The following SELENOF variants were observed in gnomAD, a reference collection of about 807,000 sequenced individuals.
SELENOF encodes 15 kDa selenoprotein.
A neutral mutation model predicts 20.5 loss-of-function variants in SELENOF; 16 were observed. The observed-to-expected ratio is 0.78, with a 90% CI of 0.53 to 1.19. The LOEUF is 1.19. Among genes scored for constraint, SELENOF ranks in the 50% most tolerant of loss-of-function variants. SELENOF has a pLI of 0.00. For missense variants in SELENOF, 215 were observed against 194.2 expected (o/e 1.11, Z -0.64); for synonymous variants, 78 against 74.5 (o/e 1.05, Z -0.24).
At chr1:86,866,230 CTGTGTGTGTGTG>C (rs60714256) in intron 4 of SELENOF, among the ~76,000 whole-genome samples, 59 of 113,680 alleles carry the variant, frequency 5.2e-4, no homozygotes, top group African/African-American at 1.8e-3. Flanking sequence ...GTGTGTGTCT[CTGTGTGTGTGTG>C]TGTGTGTGTG....
At chr1:86,878,716 A>G (rs145356405) in intron 3 of SELENOF, among the ~76,000 whole-genome samples, 47 of 152,300 alleles carry the variant, frequency 3.1e-4, no homozygotes, top group African/African-American at 1.1e-3. Context: ...AGCAGTGAAG[A>G]CATGAAAGTT....
intron 2 of SELENOF, among the ~76,000 whole-genome samples, chr1:86,898,729 G>A (rs1659591510): frequency 6.6e-6 from 1 of 151,138 alleles, no homozygotes; most frequent in African/African-American, 2.4e-5. Flanking sequence ...CTACAGGTGT[G>A]TGCCACCACA....
At chr1:86,891,008 C>A (rs1371445785) in intron 2 of SELENOF, among the ~76,000 whole-genome samples, 2 of 150,786 alleles carry the variant, frequency 1.3e-5, no homozygotes, top group Admixed American at 1.3e-4. Context: ...AACAGAATAT[C>A]ATATCAACAG....
chr1:86,881,560 T>C (rs1423405821), intron 2 of SELENOF, among the ~76,000 whole-genome samples: 1 of 152,262 alleles, frequency 6.6e-6, no homozygotes, highest in Non-Finnish European at 1.5e-5. Context: ...TTTTTAGATT[T>C]GTTTTTTATG....
intron 2 of SELENOF, chr1:86,887,260 T>C (rs1659244453): frequency 8.0e-6 from 12 of 1,493,804 alleles, no homozygotes; most frequent in Non-Finnish European, 1.1e-5. Flanking sequence ...CAAATATAAT[T>C]CTCCAATACT....
At chr1:86,871,488 T>C (rs545158512) in intron 3 of SELENOF, among the ~76,000 whole-genome samples, 1 of 152,202 alleles carries the variant, frequency 6.6e-6, no homozygotes, top group Non-Finnish European at 1.5e-5. Flanking sequence ...TATTTCTTAA[T>C]AGTCAAAATA....
intron 1 of SELENOF, among the ~76,000 whole-genome samples, chr1:86,905,239 T>C (rs1659800170): frequency 6.6e-6 from 1 of 152,204 alleles, no homozygotes; most frequent in Non-Finnish European, 1.5e-5. Context: ...AGTCTTTTCC[T>C]GCCTCAGTGG....
intron 1 of SELENOF, chr1:86,913,682 C>T (rs753763606): frequency 1.6e-5 from 4 of 244,744 alleles, no homozygotes; most frequent in Non-Finnish European, 2.5e-5. Context: ...CGTCATGAGT[C>T]TCTTGCATTT....
intron 2 of SELENOF, among the ~76,000 whole-genome samples, chr1:86,898,580 C>CTT (rs747362493): frequency 3.3e-4 from 41 of 124,958 alleles, no homozygotes; most frequent in Middle Eastern, 4.1e-3. Context: ...TTCTCTTCTT[C>CTT]TTTTTTTTTT....
In SELENOF at chr1:86,881,976, G is replaced by GT. The variant is rs141831345; in HGVS notation, c.253-1252dup. 3.0e-3 allele frequency among the ~76,000 whole-genome samples: 464 copies of GT among 152,256 alleles called. 19 individuals carry two copies. In the East Asian group the frequency reaches 0.065, roughly 21 times the overall value. On this transcript the variant is annotated intron_variant, in intron 2 of 4. Coordinates refer to ENST00000331835, the MANE Select transcript of SELENOF (RefSeq NM_004261.5). ...TGGCCAGGCATGGTGGCTCATGCCT[G>GT]TAATTGCCGCTCTTAGGGAGGCTGA...
rs771017203 is a variant in SELENOF, at chr1:86,905,338, G to A, written c.85-1890C>T. On this transcript the variant is annotated intron_variant, in intron 1 of 4. Coordinates refer to ENST00000331835, the MANE Select transcript of SELENOF (RefSeq NM_004261.5). Reference sequence around the variant, plus strand: ...TCCTATAGTATCTTGAAGTATAAAAGCCCTACTCAAACACACTTTTGCTCA... The same window carrying A: ...TCCTATAGTATCTTGAAGTATAAAAACCCTACTCAAACACACTTTTGCTCA... Among the ~76,000 whole-genome samples, 3 of 152,194 alleles carry A rather than the reference G, an allele frequency of 2.0e-5. No homozygotes were observed. In the East Asian group the frequency reaches 5.8e-4, roughly 29 times the overall value.
At chr1:86,908,267 C>G (rs1553128687) in intron 1 of SELENOF, among the ~76,000 whole-genome samples, 3 of 152,144 alleles carry the variant, frequency 2.0e-5, no homozygotes, top group Non-Finnish European at 4.4e-5. Context: ...AAATCTGAGA[C>G]AAAAGCAAAT....
chr1:86,899,534 G>A lies in SELENOF; in HGVS notation c.252+3747C>T, dbSNP rs1420823500. On this transcript the variant is annotated intron_variant, in intron 2 of 4. Coordinates refer to ENST00000331835, the MANE Select transcript of SELENOF (RefSeq NM_004261.5). ...ACCTCCCGGACGGGGCGGCTGGCCG[G>A]GCGGGGGGCTGACCCCCCACCTCCC... Among the ~76,000 whole-genome samples the A allele has an allele frequency of 2.0e-5, 3 of 149,252 alleles. No individual in the cohort carries two copies. In the East Asian group the frequency reaches 6.0e-4, roughly 30 times the overall value.
At chr1:86,876,310 C>T (rs1658922979) in intron 3 of SELENOF, among the ~76,000 whole-genome samples, 1 of 151,956 alleles carries the variant, frequency 6.6e-6, no homozygotes, top group African/African-American at 2.4e-5. Flanking sequence ...GATCATAATG[C>T]CATTTATAGA....
intron 3 of SELENOF, 24 bp downstream of exon 3, chr1:86,880,637 GT>G: frequency 7.1e-7 from 1 of 1,404,606 alleles, no homozygotes; most frequent in African/African-American, 1.4e-5. Flanking sequence ...TGACTGAACA[GT>G]TTACTGGAGT....
chr1:86,880,139 C>CTT (rs201093710), intron 3 of SELENOF, among the ~76,000 whole-genome samples: 4 of 143,464 alleles, frequency 2.8e-5, no homozygotes, highest in Non-Finnish European at 3.1e-5. Context: ...ATCTGAATTT[C>CTT]TTTTTTTTTT....
At chr1:86,866,721 T>G (rs953232660) in intron 4 of SELENOF, among the ~76,000 whole-genome samples, 1 of 152,132 alleles carries the variant, frequency 6.6e-6, no homozygotes, top group African/African-American at 2.4e-5. Flanking sequence ...AAATCATGTA[T>G]CATTAGGGAA....
At chr1:86,867,096 A>G (rs1248497877) in intron 4 of SELENOF, among the ~76,000 whole-genome samples, 2 of 152,248 alleles carry the variant, frequency 1.3e-5, no homozygotes, top group Non-Finnish European at 2.9e-5. Flanking sequence ...AATAACGAGT[A>G]ATATTCAGTA....
chr1:86,876,193 T>A (rs562720732), intron 3 of SELENOF, among the ~76,000 whole-genome samples: 1 of 151,892 alleles, frequency 6.6e-6, no homozygotes, highest in Non-Finnish European at 1.5e-5. Flanking sequence ...AGAAAGGGAC[T>A]ATGAAGGTTA....
Sources: gnomAD v4.1 joint callset for allele counts (sites outside exome capture counted in the v4.1 genomes callset) on GRCh38, gnomAD v4.1.1 for gene constraint, MANE v1.5 for transcripts, NCBI Gene and HGNC (gene_info 2026-07-23, HGNC 2026-07-21) for gene names.